XRCC4: variants seen among roughly 807,000 people sequenced by gnomAD.
XRCC4 encodes X-ray repair cross complementing 4, also known as DNA repair protein XRCC4.
XRCC4 carries 28 observed loss-of-function variants against 39.1 expected under a neutral mutation model. The ratio of observed to expected loss-of-function variants is 0.72; its 90% CI spans 0.53 to 0.98. The LOEUF is 0.98. Ranked by LOEUF, XRCC4 falls within the 50% of genes least tolerant of loss-of-function variation. The probability of loss-of-function intolerance (pLI) is 0.00; values close to 1 mark genes in which losing one functional copy is unlikely to be tolerated. For missense variants in XRCC4, 350 were observed against 376.4 expected, an observed-to-expected ratio of 0.93 and a Z score of 0.58; for synonymous variants, 123 against 126.4, an observed-to-expected ratio of 0.97 and a Z score of 0.18.
chr5:83,200,954 C>T (rs372556387), intron 4 of XRCC4, among the ~76,000 whole-genome samples: 12 of 152,148 alleles, frequency 7.9e-5, no homozygotes, highest in African/African-American at 2.9e-4. Flanking sequence ...ATATTGCTAG[C>T]TCCTTTTCAA....
chr5:83,330,576 A>G (rs1756405727), intron 7 of XRCC4, among the ~76,000 whole-genome samples: 1 of 151,980 alleles, frequency 6.6e-6, no homozygotes, highest in African/African-American at 2.4e-5. Flanking sequence ...TGCACAGTAT[A>G]AGAGAGGGTT....
chr5:83,177,209 A>G (rs1230023743), intron 3 of XRCC4, among the ~76,000 whole-genome samples: 2 of 152,186 alleles, frequency 1.3e-5, no homozygotes, highest in African/African-American at 4.8e-5. Context: ...CCTTTAAGGT[A>G]GGTTTCAGTA....
chr5:83,161,464 A>G (rs1241659736), intron 3 of XRCC4, among the ~76,000 whole-genome samples: 1 of 152,154 alleles, frequency 6.6e-6, no homozygotes, highest in East Asian at 1.9e-4. Flanking sequence ...TAATCTAAAT[A>G]TAAGTCATCT....
At chr5:83,346,491 C>T (rs371025453) in intron 7 of XRCC4, among the ~76,000 whole-genome samples, 9 of 152,112 alleles carry the variant, frequency 5.9e-5, no homozygotes, top group East Asian at 3.8e-4. Context: ...GGATAAGTCA[C>T]GCTTTGTGAA....
At chr5:83,338,011 G>A (rs1756644547) in intron 7 of XRCC4, among the ~76,000 whole-genome samples, 1 of 152,150 alleles carries the variant, frequency 6.6e-6, no homozygotes, top group Admixed American at 6.6e-5. Flanking sequence ...GAAGGTAGAA[G>A]AGTCCTAAAA....
At chr5:83,239,493 C>T (rs1314237759) in intron 6 of XRCC4, among the ~76,000 whole-genome samples, 2 of 152,156 alleles carry the variant, frequency 1.3e-5, no homozygotes, top group Non-Finnish European at 2.9e-5. Context: ...GAGGGCAGCA[C>T]AGGACATTCC....
chr5:83,340,579 T>G (rs542815009), intron 7 of XRCC4, among the ~76,000 whole-genome samples: 1 of 151,956 alleles, frequency 6.6e-6, no homozygotes, highest in East Asian at 1.9e-4. Flanking sequence ...TTGCTGGCTT[T>G]GAAGTTTTGA....
intron 7 of XRCC4, among the ~76,000 whole-genome samples, chr5:83,336,694 C>G (rs1470803078): frequency 6.6e-6 from 1 of 152,108 alleles, no homozygotes; most frequent in Non-Finnish European, 1.5e-5. Context: ...ACTCAACTAA[C>G]TAGTCTTCCA....
chr5:83,177,968 G>T (rs950892918), intron 3 of XRCC4, among the ~76,000 whole-genome samples: 24 of 152,132 alleles, frequency 1.6e-4, no homozygotes, highest in Admixed American at 1.4e-3. Context: ...AATCTAAATG[G>T]CATGCTTTGG....
At chr5:83,157,750 G>T (rs927755701) in intron 3 of XRCC4, among the ~76,000 whole-genome samples, 16 of 152,000 alleles carry the variant, frequency 1.1e-4, no homozygotes, top group Non-Finnish European at 2.2e-4. Context: ...AAAATAAAAA[G>T]AGATGAACAA....
Position 83,077,576 on chromosome 5 carries a change from CGG to C in XRCC4, c.-48_-47del. 1 of 521,762 alleles carries C rather than the reference CGG, an allele frequency of 1.9e-6. No individual in the cohort carries two copies. Among genetic ancestry groups the C allele is most frequent in the Non-Finnish European group, 3.5e-6 (1 of 288,438 alleles). The allele number at this position is 521,762 out of a possible 1,614,324, so 32.3% of individuals were successfully genotyped here. On this transcript the variant is annotated 5_prime_UTR_variant, in exon 1 of 8. Coordinates refer to ENST00000396027, the MANE Select transcript of XRCC4 (RefSeq NM_003401.5). Reference sequence around the variant, plus strand: ...GTTGCAAAACCTTGATCTGTGAAAGCGGGCGTTTTGGAAGATACCGGAAGTAG... The same window carrying C: ...GTTGCAAAACCTTGATCTGTGAAAGCGCGTTTTGGAAGATACCGGAAGTAG...
intron 3 of XRCC4, among the ~76,000 whole-genome samples, chr5:83,124,212 G>A (rs907716283): frequency 6.6e-6 from 1 of 152,048 alleles, no homozygotes; most frequent in Non-Finnish European, 1.5e-5. Context: ...CATAGTCAGG[G>A]TACAGAACTC....
intron 7 of XRCC4, among the ~76,000 whole-genome samples, chr5:83,273,676 C>A (rs1754223410): frequency 1.3e-5 from 2 of 152,120 alleles, no homozygotes; most frequent in Admixed American, 1.3e-4. Context: ...AATAGGGAAT[C>A]CTTTCCCCCT....
At chr5:83,169,624 C>G (rs111500573) in intron 3 of XRCC4, among the ~76,000 whole-genome samples, 148 of 152,194 alleles carry the variant, frequency 9.7e-4, no homozygotes, top group African/African-American at 3.5e-3. Flanking sequence ...TAGAACAGCT[C>G]GAGTCTGACA....
At chr5:83,287,311 T>C (rs1408195930) in intron 7 of XRCC4, among the ~76,000 whole-genome samples, 1 of 152,082 alleles carries the variant, frequency 6.6e-6, no homozygotes, top group Non-Finnish European at 1.5e-5. Context: ...TGGCCGAAGC[T>C]TAGCCATCTT....
chr5:83,200,047 C>T (rs1751117567), intron 4 of XRCC4, among the ~76,000 whole-genome samples: 1 of 152,102 alleles, frequency 6.6e-6, no homozygotes, highest in Non-Finnish European at 1.5e-5. Flanking sequence ...TAAATGTTCT[C>T]ACCTAACAGT....
chr5:83,199,806 C>G (rs1751102058), intron 4 of XRCC4, among the ~76,000 whole-genome samples: 1 of 151,684 alleles, frequency 6.6e-6, no homozygotes, highest in Admixed American at 6.6e-5. Flanking sequence ...GTTTTAGATA[C>G]CTCAGTGCTA....
chr5:83,298,216 G>A (rs994062198), intron 7 of XRCC4, among the ~76,000 whole-genome samples: 25 of 149,614 alleles, frequency 1.7e-4, no homozygotes, highest in African/African-American at 6.2e-4. Flanking sequence ...CACCATAAAT[G>A]TTCTATGTGT....
intron 3 of XRCC4, among the ~76,000 whole-genome samples, chr5:83,150,544 T>G (rs911157777): frequency 1.3e-5 from 2 of 152,158 alleles, no homozygotes; most frequent in African/African-American, 4.8e-5. Context: ...AAGTGATGCT[T>G]TCAATGGTCA....
Sources: allele counts gnomAD v4.1 joint callset (sites outside exome capture counted in the v4.1 genomes callset), GRCh38; gene constraint gnomAD v4.1.1; transcripts MANE v1.5; gene names NCBI Gene and HGNC (gene_info 2026-07-23, HGNC 2026-07-21).